STARD13: variants seen among roughly 807,000 people sequenced by gnomAD.
STARD13 encodes StAR related lipid transfer domain containing 13.
STARD13 carries 62 observed loss-of-function variants against 106.4 expected under a neutral mutation model. The observed-to-expected ratio is 0.58, with a 90% confidence interval of 0.48 to 0.72. STARD13 has a LOEUF of 0.72. STARD13 is among the 30% of genes least tolerant of loss of function. STARD13 has a pLI of 0.00. For missense variants in STARD13, 1,387 were observed against 1,424.0 expected, an observed-to-expected ratio of 0.97 and a Z score of 0.42; for synonymous variants, 565 against 553.0, an observed-to-expected ratio of 1.02 and a Z score of -0.31.
At chr13:33,668,281 T>C in the STARD13 span, among the ~76,000 whole-genome samples, 4 of 152,238 alleles carry the variant, frequency 2.6e-5, no homozygotes, top group Non-Finnish European at 4.4e-5. Flanking sequence ...TGTTCAAAAA[T>C]GGACCTCTAG....
At chr13:33,640,255 A>G in the STARD13 span, among the ~76,000 whole-genome samples, 1 of 152,180 alleles carries the variant, frequency 6.6e-6, no homozygotes, top group Non-Finnish European at 1.5e-5. Context: ...CAAGCTGCCC[A>G]TATCTTTGTC....
At chr13:33,622,919 A>T in the STARD13 span, among the ~76,000 whole-genome samples, 9 of 132,028 alleles carry the variant, frequency 6.8e-5, no homozygotes, top group African/African-American at 3.1e-4. Flanking sequence ...ACTCTGTCTA[A>T]AAAAAAAAAA....
the STARD13 span, among the ~76,000 whole-genome samples, chr13:33,475,025 T>C: frequency 6.6e-6 from 1 of 152,282 alleles, no homozygotes; most frequent in East Asian, 1.9e-4. Flanking sequence ...AGTGAGTGCA[T>C]ATAAAAGGGA....
chr13:33,380,091 C>T, the STARD13 span, among the ~76,000 whole-genome samples: 8 of 152,092 alleles, frequency 5.3e-5, no homozygotes, highest in African/African-American at 1.9e-4. Flanking sequence ...ATTTATTTTA[C>T]TTAAAATGTG....
intron 1 of STARD13, among the ~76,000 whole-genome samples, chr13:33,239,803 T>C (rs1026467198): frequency 6.6e-6 from 1 of 152,212 alleles, no homozygotes; most frequent in Non-Finnish European, 1.5e-5. Context: ...TAACCATTTA[T>C]CTGATGTATG....
intron 1 of STARD13, among the ~76,000 whole-genome samples, chr13:33,194,474 A>G (rs1886472645): frequency 6.6e-6 from 1 of 152,158 alleles, no homozygotes; most frequent in Non-Finnish European, 1.5e-5. Context: ...ACATTCTTTC[A>G]TGGTAAGAAT....
the STARD13 span, among the ~76,000 whole-genome samples, chr13:33,510,643 CTT>C: frequency 1.3e-5 from 2 of 152,080 alleles, no homozygotes; most frequent in Admixed American, 6.6e-5. Flanking sequence ...GAAAAATTGA[CTT>C]TTTATTTTTA....
chr13:33,239,954 A>G (rs1023542396), intron 1 of STARD13, among the ~76,000 whole-genome samples: 3 of 152,128 alleles, frequency 2.0e-5, no homozygotes, highest in Admixed American at 2.0e-4. Context: ...GTCATATCAA[A>G]TAAATTTTTG....
the STARD13 span, among the ~76,000 whole-genome samples, chr13:33,598,272 G>A: frequency 6.6e-6 from 1 of 152,144 alleles, no homozygotes. Context: ...TGGTTCGATG[G>A]TTGTGAATGT....
chr13:33,473,944 C>T, the STARD13 span, among the ~76,000 whole-genome samples: 1 of 152,146 alleles, frequency 6.6e-6, no homozygotes, highest in African/African-American at 2.4e-5. Flanking sequence ...GGAAAGCACC[C>T]CAATTGTTTG....
the STARD13 span, among the ~76,000 whole-genome samples, chr13:33,621,553 G>A: frequency 1.6e-3 from 241 of 151,314 alleles, 3 homozygotes; most frequent in Non-Finnish European, 1.5e-3. Flanking sequence ...GGTGGTGGGT[G>A]CCTGTAGTCC....
At chr13:33,409,305 T>G in the STARD13 span, among the ~76,000 whole-genome samples, 1 of 152,142 alleles carries the variant, frequency 6.6e-6, no homozygotes, top group Non-Finnish European at 1.5e-5. Flanking sequence ...GCTACTATCA[T>G]TGTCTCGATT....
At chr13:33,231,053 A>G (rs1209338425) in intron 1 of STARD13, among the ~76,000 whole-genome samples, 1 of 152,250 alleles carries the variant, frequency 6.6e-6, no homozygotes, top group Admixed American at 6.5e-5. Context: ...TATATATAGG[A>G]TGACCTACCA....
the STARD13 span, among the ~76,000 whole-genome samples, chr13:33,625,955 C>A: frequency 6.6e-6 from 1 of 152,156 alleles, no homozygotes; most frequent in African/African-American, 2.4e-5. Context: ...GTGCCTTGGC[C>A]TCCCAACAAG....
intron 1 of STARD13, among the ~76,000 whole-genome samples, chr13:33,297,123 A>G (rs1892525834): frequency 6.6e-6 from 1 of 152,164 alleles, no homozygotes; most frequent in Non-Finnish European, 1.5e-5. Context: ...TTTTTTAACC[A>G]TTTATCTTTA....
At chr13:33,610,248 T>C in the STARD13 span, among the ~76,000 whole-genome samples, 1 of 152,140 alleles carries the variant, frequency 6.6e-6, no homozygotes, top group Non-Finnish European at 1.5e-5. Flanking sequence ...TTAAGGAGGT[T>C]CACTCTGGGG....
intron 1 of STARD13, among the ~76,000 whole-genome samples, chr13:33,202,217 A>G (rs565860866): frequency 1.3e-5 from 2 of 152,220 alleles, no homozygotes; most frequent in Non-Finnish European, 2.9e-5. Flanking sequence ...CCTAACTATG[A>G]TTAGTAGGAT....
the STARD13 span, among the ~76,000 whole-genome samples, chr13:33,450,848 G>A: frequency 2.8e-4 from 43 of 152,084 alleles, no homozygotes; most frequent in African/African-American, 3.9e-4. Flanking sequence ...AAGCATGGCC[G>A]TTTGGGGAAA....
intron 1 of STARD13, among the ~76,000 whole-genome samples, chr13:33,229,012 A>G (rs1294187912): frequency 6.6e-6 from 1 of 152,236 alleles, no homozygotes; most frequent in African/African-American, 2.4e-5. Context: ...GGCTTTGAAG[A>G]CTTCAGCAAC....
Sources: gnomAD v4.1 joint callset for allele counts (sites outside exome capture counted in the v4.1 genomes callset) on GRCh38, gnomAD v4.1.1 for gene constraint, MANE v1.5 for transcripts, NCBI Gene and HGNC (gene_info 2026-07-23, HGNC 2026-07-21) for gene names.